The following BCL2 variants were observed in gnomAD, a reference collection of about 807,000 sequenced individuals.
BCL2 encodes apoptosis regulator Bcl-2.
A neutral mutation model predicts 14.2 loss-of-function variants in BCL2; 1 was observed. The observed-to-expected ratio is 0.07, with a 90% CI of 0.02 to 0.33. The LOEUF (loss-of-function observed/expected upper bound fraction) is 0.33. Ranked by LOEUF, BCL2 falls within the 10% of genes least tolerant of loss-of-function variation. The pLI is 0.99. For missense variants in BCL2, 247 were observed against 305.9 expected (o/e 0.81, Z 1.44); for synonymous variants, 151 against 137.2 (o/e 1.10, Z -0.70).
chr18:63,266,650 C>T (rs1911838201), intron 2 of BCL2, among the ~76,000 whole-genome samples: 1 of 151,568 alleles, frequency 6.6e-6, no homozygotes, highest in African/African-American at 2.4e-5. Context: ...CACACACACA[C>T]ACACACAAAA....
chr18:63,233,091 G>A (rs139935042), intron 2 of BCL2, among the ~76,000 whole-genome samples: 116 of 152,312 alleles, frequency 7.6e-4, no homozygotes, highest in African/African-American at 2.7e-3. Context: ...TACAGTGAAG[G>A]GGTAAGAGAG....
chr18:63,190,293 A>G (rs1341026399), intron 2 of BCL2, among the ~76,000 whole-genome samples: 1 of 152,240 alleles, frequency 6.6e-6, no homozygotes, highest in African/African-American at 2.4e-5. Flanking sequence ...ATTGGATTGG[A>G]ATGCAGAGCT....
chr18:63,171,931 T>C (rs561574498), intron 2 of BCL2, among the ~76,000 whole-genome samples: 1 of 152,358 alleles, frequency 6.6e-6, no homozygotes, highest in South Asian at 2.1e-4. Flanking sequence ...CAGTGAGCTA[T>C]GATCACACCA....
rs545587823 is a variant in BCL2 at position 63,306,605 on chromosome 18, A to G, written c.585+11477T>C. Among the ~76,000 whole-genome samples, 14 of 152,256 alleles carry G rather than the reference A, an allele frequency of 9.2e-5. No homozygotes were observed. In the East Asian group the frequency reaches 2.7e-3, roughly 29 times the overall value. On this transcript the variant is annotated intron_variant, in intron 2 of 2. Transcript: ENST00000333681. ...TGGTTCCTCCCACCCACTTCACTAC[A>G]TTGATTCCTGCTCATCCTTCAGGCT...
intron 2 of BCL2, among the ~76,000 whole-genome samples, chr18:63,298,019 G>A (rs560215667): frequency 1.3e-5 from 2 of 152,272 alleles, no homozygotes; most frequent in Non-Finnish European, 2.9e-5. Context: ...TTTCCAGGCC[G>A]GCACTCTCTC....
intron 2 of BCL2, among the ~76,000 whole-genome samples, chr18:63,297,540 G>GGC (rs781645968): frequency 3.9e-5 from 6 of 152,184 alleles, no homozygotes; most frequent in Non-Finnish European, 8.8e-5. Flanking sequence ...ACACCTTGGT[G>GGC]GCACAGAGCA....
At chr18:63,191,505 A>T (rs968385543) in intron 2 of BCL2, among the ~76,000 whole-genome samples, 1 of 152,272 alleles carries the variant, frequency 6.6e-6, no homozygotes, top group African/African-American at 2.4e-5. Context: ...ATTCAAAAAC[A>T]GTTAATTTGT....
chr18:63,209,043 T>C (rs66491527), intron 2 of BCL2, among the ~76,000 whole-genome samples: 11,122 of 152,268 alleles, frequency 0.073, 528 homozygotes, highest in South Asian at 0.13. Context: ...CCAAAAGGTC[T>C]GATTAATTCC....
intron 2 of BCL2, among the ~76,000 whole-genome samples, chr18:63,193,972 A>T (rs1262941542): frequency 6.6e-6 from 1 of 152,204 alleles, no homozygotes; most frequent in Non-Finnish European, 1.5e-5. Context: ...AATGAGATAA[A>T]CCACACAACA....
chr18:63,134,109 C>T lies in BCL2; in HGVS notation c.586-5350G>A, dbSNP rs764741440. Among the ~76,000 whole-genome samples the T allele has an allele frequency of 5.2e-4, 79 of 152,010 alleles. 2 individuals carry two copies. The highest frequency in any genetic ancestry group is 1.9e-4 in the Non-Finnish European group (13 of 68,006). ...CAGAAAAAAATAATATAAAGGAAAA[C>T]GCAAAGATGTTAACAGTGATTATCG... On this transcript the variant is annotated intron_variant, in intron 2 of 2. Transcript: ENST00000333681.
intron 2 of BCL2, among the ~76,000 whole-genome samples, chr18:63,273,673 G>T (rs535260108): frequency 6.6e-6 from 1 of 152,230 alleles, no homozygotes; most frequent in African/African-American, 2.4e-5. Flanking sequence ...CGACTTTGAG[G>T]TTCCTCCCAG....
chr18:63,168,700 C>T (rs1364407249), intron 2 of BCL2, among the ~76,000 whole-genome samples: 2 of 152,186 alleles, frequency 1.3e-5, no homozygotes, highest in Admixed American at 6.5e-5. Context: ...TGGACTGCTC[C>T]GTTTATTGGT....
At position 63,128,714 on chromosome 18, in the gene BCL2, C is replaced by A. The variant is rs753457022; in HGVS notation, c.631G>T (p.Asp211Tyr). 2 of 780,876 alleles carry A rather than the reference C, an allele frequency of 2.6e-6. No homozygotes were observed. Among genetic ancestry groups the A allele is most frequent in the Admixed American group, 1.7e-5 (1 of 59,016 alleles). 48.4% of individuals were successfully genotyped at this position (780,876 alleles called of 1,614,324 possible). A position where few individuals can be genotyped will look rare whatever the true frequency, so the allele number is the denominator to read the frequency against. ...GTCTTCAGAGACAGCCAGGAGAAATCAAACAGAGGCCGCATGCTGGGGCCG... is the reference window on the plus strand; with the variant it reads ...GTCTTCAGAGACAGCCAGGAGAAATAAAACAGAGGCCGCATGCTGGGGCCG... The part of the protein sequence containing the change: ...LYGPSMRPLF[D>Y]FSWLSLKTLL... The change falls in exon 3 of 3, where the codon GAT (aspartate) becomes TAT (tyrosine). Residue 211 changes from aspartate (D) to tyrosine (Y), a missense_variant. Transcript: ENST00000333681.
chr18:63,256,066 A>G (rs965010822), intron 2 of BCL2, among the ~76,000 whole-genome samples: 1 of 152,190 alleles, frequency 6.6e-6, no homozygotes, highest in Non-Finnish European at 1.5e-5. Context: ...AGTCGATGGG[A>G]TACATTTAGT....
intron 2 of BCL2, among the ~76,000 whole-genome samples, chr18:63,237,302 A>G (rs1267403393): frequency 6.6e-6 from 1 of 152,142 alleles, no homozygotes; most frequent in Non-Finnish European, 1.5e-5. Flanking sequence ...AAGCTGCACC[A>G]CATGCACATT....
In BCL2 at chr18:63,127,981, G is replaced by A. The variant is rs1913955013; in HGVS notation, c.*644C>T. 1 of 225,256 alleles carries A rather than the reference G, an allele frequency of 4.4e-6. No homozygotes were observed. Among genetic ancestry groups the A allele is most frequent in the African/African-American group, 2.2e-5 (1 of 44,888 alleles). 14.0% of individuals were successfully genotyped at this position (225,256 alleles called of 1,614,324 possible). A position where few individuals can be genotyped will look rare whatever the true frequency, so the allele number is the denominator to read the frequency against. On this transcript the variant is annotated 3_prime_UTR_variant, in exon 3 of 3. Transcript: ENST00000333681. ...GGCGTGGAAATCTCAGTGGGTACTA[G>A]GTCCATCTGAAGTTCCCAACTCTTT...
At chr18:63,296,781 A>G (rs1912808683) in intron 2 of BCL2, among the ~76,000 whole-genome samples, 1 of 152,244 alleles carries the variant, frequency 6.6e-6, no homozygotes, top group African/African-American at 2.4e-5. Context: ...AAAGGGCTAC[A>G]CAACTGTAGC....
chr18:63,227,076 T>TGA (rs139192451), intron 2 of BCL2, among the ~76,000 whole-genome samples: 6 of 150,262 alleles, frequency 4.0e-5, no homozygotes, highest in African/African-American at 7.3e-5. Flanking sequence ...TAAAGCAATA[T>TGA]GAGAGAGAGA....
In BCL2 at chr18:63,124,249, A is replaced by G. The variant is rs1913851895; in HGVS notation, c.*4376T>C. 1 of 224,996 alleles carries G rather than the reference A, an allele frequency of 4.4e-6. No homozygotes were observed. The highest frequency in any genetic ancestry group is 8.9e-6 in the Non-Finnish European group (1 of 112,874). The allele number at this position is 224,996 out of a possible 1,614,324, so 13.9% of individuals were successfully genotyped here. A position where few individuals can be genotyped will look rare whatever the true frequency, so the allele number is the denominator to read the frequency against. On this transcript the variant is annotated 3_prime_UTR_variant, in exon 3 of 3. Coordinates refer to ENST00000333681, the MANE Select transcript of BCL2 (RefSeq NM_000633.3). The stretch of plus-strand genomic sequence containing the variant: ...TATAAAATTTTTTTCTGTATTGTAC[A>G]TAATAAACATTTAGAAACAGATGTC...
Sources: allele counts gnomAD v4.1 joint callset (sites outside exome capture counted in the v4.1 genomes callset), GRCh38; gene constraint gnomAD v4.1.1; transcripts MANE v1.5; gene names NCBI Gene and HGNC (gene_info 2026-07-23, HGNC 2026-07-21).